ATG14: variants seen among roughly 807,000 people sequenced by gnomAD.
The protein encoded by ATG14 is beclin 1-associated autophagy-related key regulator.
In ATG14, 35 loss-of-function variants were observed where a neutral mutation model predicts 60.4. That is an observed-to-expected ratio of 0.58 (90% CI 0.44 to 0.77). The LOEUF (loss-of-function observed/expected upper bound fraction) is 0.77, where lower values mean the gene tolerates loss of function less well. ATG14 is among the 30% of genes least tolerant of loss of function. The probability of loss-of-function intolerance (pLI) is 0.00; values close to 1 mark genes in which losing one functional copy is unlikely to be tolerated. For missense variants in ATG14, 647 were observed against 626.3 expected, an observed-to-expected ratio of 1.03 and a Z score of -0.35; for synonymous variants, 234 against 228.8, an observed-to-expected ratio of 1.02 and a Z score of -0.21.
At chr14:55,370,530 C>T (rs1244091496) in intron 9 of ATG14, among the ~76,000 whole-genome samples, 2 of 152,106 alleles carry the variant, frequency 1.3e-5, no homozygotes, top group African/African-American at 4.8e-5. Flanking sequence ...TCTCAAAGGT[C>T]CCTAATAACA....
chr14:55,371,476 TTCCCACTTGGTC>T (rs1884814715), intron 9 of ATG14, among the ~76,000 whole-genome samples: 1 of 152,168 alleles, frequency 6.6e-6, no homozygotes, highest in South Asian at 2.1e-4. Flanking sequence ...GCCATGGGGT[TTCCCACTTGGTC>T]TCCAGTGAGC....
intron 3 of ATG14, 82 bp downstream of exon 3, chr14:55,395,857 AT>A (rs1275426016): frequency 1.9e-6 from 2 of 1,069,910 alleles, no homozygotes; most frequent in African/African-American, 3.3e-5. Flanking sequence ...ATTTTTAAAA[AT>A]TTTAATTAAA....
At chr14:55,409,885 C>T (rs975995364) in intron 1 of ATG14, among the ~76,000 whole-genome samples, 1 of 152,160 alleles carries the variant, frequency 6.6e-6, no homozygotes, top group Non-Finnish European at 1.5e-5. Context: ...GGAGCAAGGA[C>T]GGAAGCAGAG....
In ATG14 at chr14:55,380,694, C is replaced by T; in HGVS notation, c.878-4G>A. On this transcript the variant is annotated splice_region_variant and splice_polypyrimidine_tract_variant and intron_variant, in intron 6 of 9. Coordinates refer to ENST00000247178, the MANE Select transcript of ATG14 (RefSeq NM_014924.5). ...GCAGGGTTACTCTGCTCCATGTCTG[C>T]AGTAAGAAAACAACCACCATGTACA... 3 of 1,584,144 alleles carry T rather than the reference C, an allele frequency of 1.9e-6. No individual in the cohort carries two copies. Among genetic ancestry groups the T allele is most frequent in the African/African-American group, 2.7e-5 (2 of 74,000 alleles).
chr14:55,394,969 T>C, intron 3 of ATG14: 1 of 423,186 alleles, frequency 2.4e-6, no homozygotes, highest in Non-Finnish European at 4.7e-6. Context: ...GCACTGACAC[T>C]TCAAAGGGGC....
Position 55,369,669 on chromosome 14 carries a change from C to A in ATG14, c.1429G>T (p.Ala477Ser). Reference sequence around the variant, plus strand: ...AACCAGGAGGTCACCGAGGCTGCTGCAGAGGAGATCATCCCACCTGCACTG... The same window carrying A: ...AACCAGGAGGTCACCGAGGCTGCTGAAGAGGAGATCATCCCACCTGCACTG... ...SSSAGGMISS[A>S]AASVTSWFKA... The change falls in exon 10 of 10, where the codon GCA becomes TCA. Residue 477 changes from alanine (A) to serine (S), a missense_variant. By Grantham distance (99) the Ala-to-Ser change is moderately conservative (BLOSUM62 1). Coordinates refer to ENST00000247178, the MANE Select transcript of ATG14 (RefSeq NM_014924.5). 1.3e-6 allele frequency: 2 copies of A among 1,575,016 alleles called. No individual in the cohort carries two copies. The highest frequency in any genetic ancestry group is 1.2e-5 in the South Asian group (1 of 85,780).
At chr14:55,402,926 A>AAAAT (rs1566585634) in intron 1 of ATG14, among the ~76,000 whole-genome samples, 2 of 16,402 alleles carry the variant, frequency 1.2e-4, no homozygotes, top group Non-Finnish European at 2.1e-4. Flanking sequence ...AAAAAAAAAA[A>AAAAT]ATATATATAT....
chr14:55,400,485 A>G (rs1217701077), intron 1 of ATG14, among the ~76,000 whole-genome samples: 2 of 152,238 alleles, frequency 1.3e-5, no homozygotes, highest in African/African-American at 4.8e-5. Flanking sequence ...ATTTATTTAT[A>G]TAAACCTCTA....
At chr14:55,371,881 G>C (rs1383377545) in intron 9 of ATG14, among the ~76,000 whole-genome samples, 6 of 152,156 alleles carry the variant, frequency 3.9e-5, no homozygotes, top group Non-Finnish European at 8.8e-5. Context: ...CTGCCCAGAA[G>C]TCAGTATTTT....
At chr14:55,411,564 CA>C in intron 1 of ATG14, 37 bp downstream of exon 1, 1 of 1,569,130 alleles carries the variant, frequency 6.4e-7, no homozygotes, top group Non-Finnish European at 8.6e-7. Context: ...GGAGGACACA[CA>C]GCAGAAGAAA....
intron 3 of ATG14, among the ~76,000 whole-genome samples, chr14:55,391,639 A>G (rs1885219967): frequency 6.6e-6 from 1 of 152,166 alleles, no homozygotes. Context: ...TAAATCATAC[A>G]AAATCAAAAA....
intron 3 of ATG14, among the ~76,000 whole-genome samples, chr14:55,394,172 A>G (rs1257132677): frequency 6.8e-6 from 1 of 146,194 alleles, no homozygotes; most frequent in Admixed American, 6.7e-5. Flanking sequence ...ATGCCCAGCT[A>G]ATTTTTCTAT....
chr14:55,386,243 T>C, intron 4 of ATG14, 147 bp from the exon 5 acceptor site: 1 of 651,200 alleles, frequency 1.5e-6, no homozygotes, highest in South Asian at 2.2e-5. Context: ...AAGTGGAAAA[T>C]TTGAGAGTTT....
intron 1 of ATG14, 32 bp downstream of exon 1, chr14:55,411,570 A>G: frequency 1.3e-6 from 2 of 1,578,136 alleles, no homozygotes; most frequent in Non-Finnish European, 1.7e-6. Flanking sequence ...CACACAGCAG[A>G]AGAAACAATA....
At chr14:55,379,149 C>T (rs1206711229) in intron 7 of ATG14, among the ~76,000 whole-genome samples, 4 of 152,152 alleles carry the variant, frequency 2.6e-5, no homozygotes, top group Non-Finnish European at 5.9e-5. Flanking sequence ...CACCAATGTA[C>T]CCTCCAGTGT....
chr14:55,410,166 CAAG>C (rs1885549524), intron 1 of ATG14, among the ~76,000 whole-genome samples: 1 of 152,108 alleles, frequency 6.6e-6, no homozygotes, highest in Non-Finnish European at 1.5e-5. Flanking sequence ...TGATGGAAAA[CAAG>C]GAGTTCAGTT....
chr14:55,411,187 C>A (rs1393580184), intron 1 of ATG14, among the ~76,000 whole-genome samples: 1 of 152,204 alleles, frequency 6.6e-6, no homozygotes, highest in Non-Finnish European at 1.5e-5. Context: ...TTATTTGATT[C>A]TCTTCTACTC....
intron 9 of ATG14, 51 bp downstream of exon 9, chr14:55,377,768 C>G (rs768995072): frequency 7.3e-7 from 1 of 1,377,350 alleles, no homozygotes; most frequent in African/African-American, 1.5e-5. Context: ...TACAACTCCT[C>G]TAACAGGATT....
intron 1 of ATG14, among the ~76,000 whole-genome samples, chr14:55,404,737 C>T (rs1442039833): frequency 6.6e-6 from 1 of 152,074 alleles, no homozygotes; most frequent in East Asian, 1.9e-4. Flanking sequence ...AAAGATACAG[C>T]GCAATCTGTA....
Sources: gnomAD v4.1 joint callset for allele counts (sites outside exome capture counted in the v4.1 genomes callset) on GRCh38, gnomAD v4.1.1 for gene constraint, MANE v1.5 for transcripts, NCBI Gene and HGNC (gene_info 2026-07-23, HGNC 2026-07-21) for gene names.